Variants in BABAM2 observed in about 807,000 individuals in gnomAD.
BABAM2 encodes the protein BRISC and BRCA1-A complex member 2.
BABAM2 carries 31 observed loss-of-function variants against 54.7 expected under a neutral mutation model. That is an observed-to-expected ratio of 0.57 (90% CI 0.43 to 0.77). BABAM2 has a LOEUF of 0.77. BABAM2 is among the 30% of genes least tolerant of loss of function. The pLI, the probability that BABAM2 is intolerant of heterozygous loss-of-function variation, is 0.00. For synonymous variants in BABAM2, 167 were observed against 162.9 expected (o/e 1.03, Z -0.19); for missense variants, 364 against 455.8 (o/e 0.80, Z 1.83).
rs539798302 is a variant in BABAM2 at position 28,315,424 on chromosome 2, T to G, written c.1088+16933T>G. Among the ~76,000 whole-genome samples, 10 of 13,836 alleles carry G rather than the reference T, an allele frequency of 7.2e-4. No individual in the cohort carries two copies. In the East Asian group the frequency reaches 0.041, roughly 57 times the overall value. 9.1% of individuals were successfully genotyped at this position (13,836 alleles called of 152,430 possible). A position where few individuals can be genotyped will look rare whatever the true frequency, so the allele number is the denominator to read the frequency against. ...ATTTCTTTGTGTGTGTGGTTCTTTT[T>G]TCTTTTCTTTTCTTTTCTTTTCTTT... On this transcript the variant is annotated intron_variant, in intron 11 of 11. Transcript: ENST00000379624.
intron 11 of BABAM2, among the ~76,000 whole-genome samples, chr2:28,306,846 G>A (rs142132052): frequency 1.5e-4 from 22 of 146,092 alleles, no homozygotes; most frequent in African/African-American, 3.6e-4. Context: ...ACAGGCTCGC[G>A]CCACTATTGC....
chr2:28,226,389 T>G (rs1680888280), intron 7 of BABAM2, among the ~76,000 whole-genome samples: 2 of 152,214 alleles, frequency 1.3e-5, no homozygotes, highest in Non-Finnish European at 2.9e-5. Context: ...CATCTCTTTT[T>G]TATATTCATT....
intron 10 of BABAM2, among the ~76,000 whole-genome samples, chr2:28,277,984 C>T (rs192979532): frequency 1.3e-5 from 2 of 152,268 alleles, no homozygotes; most frequent in African/African-American, 4.8e-5. Context: ...AATTAGAAAT[C>T]TGGTAGGTAG....
intron 3 of BABAM2, 94 bp from the exon 4 acceptor site, chr2:27,987,899 G>A (rs1304546373): frequency 2.9e-6 from 3 of 1,030,340 alleles, no homozygotes; most frequent in African/African-American, 3.3e-5. Flanking sequence ...TTAAACTAAT[G>A]TAAATTTCTT....
chr2:27,889,656 A>G (rs1353193571), upstream of BABAM2, among the ~76,000 whole-genome samples: 2 of 152,200 alleles, frequency 1.3e-5, no homozygotes, highest in Non-Finnish European at 2.9e-5. Context: ...TACTGTGTTT[A>G]TGTTTTTATT....
intron 3 of BABAM2, among the ~76,000 whole-genome samples, chr2:27,944,127 C>G (rs935617820): frequency 1.3e-5 from 2 of 152,034 alleles, no homozygotes; most frequent in Non-Finnish European, 2.9e-5. Context: ...ACTTATTGGG[C>G]ATTTTATGGT....
chr2:28,007,139 TG>T (rs1162390098), intron 4 of BABAM2, among the ~76,000 whole-genome samples: 3 of 151,980 alleles, frequency 2.0e-5, no homozygotes, highest in Non-Finnish European at 2.9e-5. Context: ...AGTTGATTAA[TG>T]CAGAGTTCCA....
At chr2:27,957,580 A>C (rs1670176575) in intron 3 of BABAM2, among the ~76,000 whole-genome samples, 1 of 152,174 alleles carries the variant, frequency 6.6e-6, no homozygotes, top group South Asian at 2.1e-4. Context: ...GACAGCACTA[A>C]GAGTAGACAT....
intron 11 of BABAM2, among the ~76,000 whole-genome samples, chr2:28,306,615 G>A (rs985064511): frequency 1.8e-4 from 28 of 152,162 alleles, no homozygotes; most frequent in African/African-American, 6.5e-4. Flanking sequence ...ATATTTGAAA[G>A]AAACCTTTTG....
At chr2:28,026,139 G>T (rs1036988332) in intron 5 of BABAM2, among the ~76,000 whole-genome samples, 4 of 152,126 alleles carry the variant, frequency 2.6e-5, no homozygotes, top group Non-Finnish European at 4.4e-5. Context: ...TGGTGGGAGT[G>T]TAAATTAGTT....
At chr2:27,890,060 C>G, upstream of BABAM2, 1 of 554,404 alleles carries the variant, frequency 1.8e-6, no homozygotes, top group Middle Eastern at 4.3e-4. The surrounding 1 kb of genome is among the most constrained non-coding windows in gnomAD (Gnocchi z 4.8). Flanking sequence ...CGTCCCCTCC[C>G]CTGAGATTTA....
chr2:28,189,725 A>G (rs1676699405), intron 7 of BABAM2, among the ~76,000 whole-genome samples: 1 of 152,182 alleles, frequency 6.6e-6, no homozygotes, highest in South Asian at 2.1e-4. Context: ...CTATAGATCT[A>G]CAGATTAAGT....
chr2:27,901,819 C>G (rs1420318045), intron 2 of BABAM2, among the ~76,000 whole-genome samples: 1 of 152,158 alleles, frequency 6.6e-6, no homozygotes, highest in Non-Finnish European at 1.5e-5. Context: ...ATCTCATTCC[C>G]CTTTTTCCCC....
At chr2:28,191,721 T>C (rs115549914) in intron 7 of BABAM2, among the ~76,000 whole-genome samples, 1,952 of 152,288 alleles carry the variant, frequency 0.013, 38 homozygotes, top group African/African-American at 0.044. Flanking sequence ...ATGCAAATTA[T>C]AATGACAGCA....
chr2:27,945,704 T>C (rs969390181), intron 3 of BABAM2, among the ~76,000 whole-genome samples: 1 of 152,116 alleles, frequency 6.6e-6, no homozygotes, highest in Admixed American at 6.6e-5. Flanking sequence ...CTCTGAGCAG[T>C]ATTTTATAGT....
intron 7 of BABAM2, among the ~76,000 whole-genome samples, chr2:28,157,211 T>G (rs1348402919): frequency 1.3e-5 from 2 of 152,180 alleles, no homozygotes; most frequent in African/African-American, 2.4e-5. Flanking sequence ...CAACAAACAT[T>G]TATCAAGTGC....
chr2:28,243,028 C>A (rs972301952), intron 9 of BABAM2, among the ~76,000 whole-genome samples: 3 of 152,196 alleles, frequency 2.0e-5, no homozygotes, highest in Non-Finnish European at 4.4e-5. Context: ...AGAAGTTACA[C>A]AGCTCACTCT....
intron 5 of BABAM2, among the ~76,000 whole-genome samples, chr2:28,030,592 A>T (rs1461695065): frequency 6.6e-6 from 1 of 152,188 alleles, no homozygotes; most frequent in East Asian, 1.9e-4. Flanking sequence ...GGGTTCAGGA[A>T]TATTAAAGGA....
At chr2:28,291,595 C>CA (rs527427296) in intron 10 of BABAM2, among the ~76,000 whole-genome samples, 2,039 of 131,370 alleles carry the variant, frequency 0.016, 24 homozygotes, top group Middle Eastern at 0.069. Context: ...ACTCCGTCTC[C>CA]AAAAAAAAAA....
Sources: allele counts gnomAD v4.1 joint callset (sites outside exome capture counted in the v4.1 genomes callset), GRCh38; gene constraint gnomAD v4.1.1; non-coding constraint Gnocchi (gnomAD v3.1); transcripts MANE v1.5; gene names NCBI Gene and HGNC (gene_info 2026-07-23, HGNC 2026-07-21).